Variants in RYR3 observed in about 807,000 individuals in gnomAD.
RYR3 encodes brain ryanodine receptor-calcium release channel.
A neutral mutation model predicts 584.3 loss-of-function variants in RYR3; 207 were observed. The ratio of observed to expected loss-of-function variants is 0.35; its 90% CI spans 0.32 to 0.40. The LOEUF (loss-of-function observed/expected upper bound fraction) is 0.40, where lower values mean the gene tolerates loss of function less well. Ranked by LOEUF, RYR3 falls within the 10% of genes least tolerant of loss-of-function variation. The probability of loss-of-function intolerance (pLI) is 1.00; values close to 1 mark genes in which losing one functional copy is unlikely to be tolerated. For synonymous variants in RYR3, 2,416 were observed against 2,248.5 expected (o/e 1.07, Z -2.11); for missense variants, 5,616 against 6,089.2 (o/e 0.92, Z 2.59).
intron 43 of RYR3, among the ~76,000 whole-genome samples, chr15:33,711,170 G>C (rs1164503146): frequency 6.7e-6 from 1 of 150,122 alleles, no homozygotes; most frequent in Non-Finnish European, 1.5e-5. Context: ...CCAACTTTAA[G>C]TCATTTATTC....
At chr15:33,467,998 T>C (rs1197924002) in intron 1 of RYR3, among the ~76,000 whole-genome samples, 2 of 152,158 alleles carry the variant, frequency 1.3e-5, no homozygotes, top group African/African-American at 4.8e-5. Context: ...CAGACAGACA[T>C]GAATTCATAC....
chr15:33,379,550 A>G (rs1172686712), intron 1 of RYR3, among the ~76,000 whole-genome samples: 1 of 151,996 alleles, frequency 6.6e-6, no homozygotes, highest in Non-Finnish European at 1.5e-5. Flanking sequence ...GGAAGCAAAT[A>G]ATGGAATTAA....
chr15:33,779,207 A>G (rs1476723226), intron 64 of RYR3, among the ~76,000 whole-genome samples: 2 of 152,018 alleles, frequency 1.3e-5, no homozygotes, highest in Non-Finnish European at 2.9e-5. Context: ...ACCAGTTAAG[A>G]TCACAATTTT....
chr15:33,607,298 A>T (rs2059954744), intron 18 of RYR3, among the ~76,000 whole-genome samples: 1 of 152,170 alleles, frequency 6.6e-6, no homozygotes, highest in African/African-American at 2.4e-5. Flanking sequence ...TTAATTGAAG[A>T]TATGCAGCAT....
chr15:33,725,406 C>T (rs1009343904), intron 45 of RYR3, among the ~76,000 whole-genome samples: 1 of 152,118 alleles, frequency 6.6e-6, no homozygotes, highest in African/African-American at 2.4e-5. Flanking sequence ...GACAGTCTGA[C>T]CCTATGACAT....
intron 12 of RYR3, among the ~76,000 whole-genome samples, chr15:33,572,650 ACT>A (rs368776999): frequency 0.016 from 2,086 of 132,012 alleles, 65 homozygotes; most frequent in African/African-American, 0.058. Flanking sequence ...AAAAAAAAAA[ACT>A]ATATATACAC....
intron 1 of RYR3, among the ~76,000 whole-genome samples, chr15:33,429,441 G>A (rs761294999): frequency 9.2e-5 from 14 of 152,170 alleles, no homozygotes; most frequent in Admixed American, 2.6e-4. Context: ...AGATAACAGC[G>A]GGAACACAAA....
At chr15:33,807,397 A>G (rs28540970) in intron 69 of RYR3, among the ~76,000 whole-genome samples, 158 bp from the exon 70 acceptor site, 3 of 152,160 alleles carry the variant, frequency 2.0e-5, no homozygotes, top group Admixed American at 6.5e-5. Flanking sequence ...TCTTCATGCT[A>G]TGCTCAACTG....
At chr15:33,736,852 A>C (rs1179465320) in intron 49 of RYR3, among the ~76,000 whole-genome samples, 2 of 151,956 alleles carry the variant, frequency 1.3e-5, no homozygotes, top group Non-Finnish European at 2.9e-5. Flanking sequence ...AGGTTCAAGC[A>C]ATTCTCCTGC....
chr15:33,432,780 A>C (rs544345021), intron 1 of RYR3, among the ~76,000 whole-genome samples: 1 of 151,780 alleles, frequency 6.6e-6, no homozygotes, highest in South Asian at 2.1e-4. Context: ...TCAGTCTCCC[A>C]AAGTGCTAGG....
chr15:33,396,145 T>C (rs2042283070), intron 1 of RYR3, among the ~76,000 whole-genome samples: 1 of 152,114 alleles, frequency 6.6e-6, no homozygotes, highest in South Asian at 2.1e-4. Context: ...TGAAGGATCT[T>C]ACATTCAGGG....
At chr15:33,435,518 G>T (rs140432306) in intron 1 of RYR3, among the ~76,000 whole-genome samples, 2 of 152,174 alleles carry the variant, frequency 1.3e-5, no homozygotes, top group Non-Finnish European at 2.9e-5. Context: ...TTATACTTGT[G>T]TGAGAATTTC....
chr15:33,660,926 G>A (rs1485738896), intron 34 of RYR3, among the ~76,000 whole-genome samples: 2 of 152,144 alleles, frequency 1.3e-5, no homozygotes, highest in African/African-American at 4.8e-5. Flanking sequence ...CACCCAAAGG[G>A]TTTCTGGGAG....
At chr15:33,471,034 T>C (rs1301378008) in intron 1 of RYR3, among the ~76,000 whole-genome samples, 2 of 152,190 alleles carry the variant, frequency 1.3e-5, no homozygotes, top group African/African-American at 4.8e-5. Flanking sequence ...ATCAGATGGG[T>C]TGAATTAACT....
intron 1 of RYR3, among the ~76,000 whole-genome samples, chr15:33,458,191 G>T (rs979982464): frequency 6.6e-6 from 1 of 152,150 alleles, no homozygotes; most frequent in Non-Finnish European, 1.5e-5. Flanking sequence ...GTTGCCAGGG[G>T]CTGGGTAGGG....
At position 33,580,024 on chromosome 15, in the gene RYR3, C is replaced by T. The variant is rs2058512031; in HGVS notation, c.1317C>T (p.Val439=). Residue 439 remains valine, a synonymous_variant, in exon 13 of 104, where the codon GTC becomes GTT. Transcript: ENST00000634891. ...CCATCACCCTGCCTATAGAAGAAGT[C>T]CTGCAGACCCTACAGGACTTGATCG... ...AAPITLPIEE[V]LQTLQDLIAY... 1 of 1,613,410 alleles carries T rather than the reference C, an allele frequency of 6.2e-7. No individual in the cohort carries two copies.
At position 33,772,123 on chromosome 15, in the gene RYR3, A is replaced by T. The variant is rs2073620794; in HGVS notation, c.9020A>T (p.His3007Leu). 2 of 1,613,278 alleles carry T rather than the reference A, an allele frequency of 1.2e-6. No individual in the cohort carries two copies. Among genetic ancestry groups the T allele is most frequent in the African/African-American group, 2.7e-5 (2 of 74,902 alleles). ...CCCATCCTGACGTCCATCTTTGAGC[A>T]CGTCACTCAGCATCAGTTTGGAATG... ...LLPILTSIFEHVTQHQFGMDL... is the reference protein window; with the variant it reads ...LLPILTSIFELVTQHQFGMDL... Residue 3007 changes from histidine to leucine, a missense_variant, in exon 63 of 104, where the codon CAC becomes CTC. Around this residue, in one of 9 missense-constraint regions of RYR3, gnomAD observed 954 missense variants for 1,132.2 expected, o/e 0.84. Transcript: ENST00000634891.
At chr15:33,458,034 G>A (rs1375026621) in intron 1 of RYR3, among the ~76,000 whole-genome samples, 2 of 152,116 alleles carry the variant, frequency 1.3e-5, no homozygotes, top group African/African-American at 2.4e-5. Context: ...TGGTTGCTTG[G>A]CTAGTGTGAT....
At chr15:33,571,408 T>C (rs1452360213) in intron 12 of RYR3, among the ~76,000 whole-genome samples, 1 of 152,180 alleles carries the variant, frequency 6.6e-6, no homozygotes, top group African/African-American at 2.4e-5. Flanking sequence ...GTATTGATGT[T>C]TCTGTTACTG....
Sources: allele counts gnomAD v4.1 joint callset (sites outside exome capture counted in the v4.1 genomes callset), GRCh38; gene constraint gnomAD v4.1.1; regional missense constraint gnomAD v4.1.1; transcripts MANE v1.5; gene names NCBI Gene and HGNC (gene_info 2026-07-23, HGNC 2026-07-21).